CDIN1: variants seen among roughly 807,000 people sequenced by gnomAD.
CDIN1 encodes the protein CDAN1-interacting nuclease 1.
CDIN1 carries 33 observed loss-of-function variants against 45.3 expected under a neutral mutation model. The ratio of observed to expected loss-of-function variants is 0.73; its 90% CI spans 0.55 to 0.97. The LOEUF is 0.97. Ranked by LOEUF, CDIN1 falls within the 50% of genes least tolerant of loss-of-function variation. CDIN1 has a pLI of 0.00. For missense variants in CDIN1, 303 were observed against 339.4 expected, an observed-to-expected ratio of 0.89 and a Z score of 0.84; for synonymous variants, 118 against 124.4, an observed-to-expected ratio of 0.95 and a Z score of 0.34.
intron 10 of CDIN1, among the ~76,000 whole-genome samples, chr15:36,761,812 T>C (rs536829605): frequency 4.6e-5 from 7 of 152,328 alleles, no homozygotes; most frequent in East Asian, 1.9e-4. Context: ...CATACTGATA[T>C]GCAAGATTTT....
At chr15:36,615,572 G>A (rs995004653) in intron 1 of CDIN1, among the ~76,000 whole-genome samples, 2 of 152,052 alleles carry the variant, frequency 1.3e-5, no homozygotes, top group Non-Finnish European at 2.9e-5. Flanking sequence ...ATGAAGTGTG[G>A]TCCAAAAAAT....
intron 1 of CDIN1, among the ~76,000 whole-genome samples, chr15:36,592,838 G>T (rs992588893): frequency 2.0e-5 from 3 of 151,858 alleles, no homozygotes; most frequent in Non-Finnish European, 4.4e-5. Flanking sequence ...CTAAGTTTAG[G>T]GACATTACAG....
At chr15:36,716,868 G>A (rs1027851027) in intron 10 of CDIN1, among the ~76,000 whole-genome samples, 1 of 152,184 alleles carries the variant, frequency 6.6e-6, no homozygotes, top group African/African-American at 2.4e-5. Flanking sequence ...TAGGGACTCA[G>A]CCCCTGCCTT....
chr15:36,671,786 TCTTC>T (rs572172291), intron 5 of CDIN1, among the ~76,000 whole-genome samples: 37 of 152,278 alleles, frequency 2.4e-4, no homozygotes, highest in African/African-American at 7.7e-4. Context: ...CTTACAATTG[TCTTC>T]CTTTGAGAAG....
At chr15:36,686,238 T>G (rs372953562) in intron 5 of CDIN1, among the ~76,000 whole-genome samples, 2 of 151,354 alleles carry the variant, frequency 1.3e-5, no homozygotes, top group African/African-American at 4.8e-5. Flanking sequence ...CCATAAAAAA[T>G]GATGAGTTCG....
At chr15:36,640,763 C>A in intron 1 of CDIN1, 1 of 485,048 alleles carries the variant, frequency 2.1e-6, no homozygotes, top group Non-Finnish European at 2.7e-6. Context: ...TTAATCTGTG[C>A]TACACTCTCC....
At chr15:36,670,330 C>T (rs6495866) in intron 5 of CDIN1, among the ~76,000 whole-genome samples, 141,635 of 152,144 alleles carry the variant, frequency 0.93, 66,097 homozygotes, top group East Asian at 1. Context: ...TCCAGAGTAG[C>T]GCTCCTCTTC....
intron 1 of CDIN1, chr15:36,613,472 A>G (rs1261922212): frequency 6.5e-7 from 1 of 1,550,212 alleles, no homozygotes; most frequent in Non-Finnish European, 8.8e-7. Context: ...GGTGGGCACC[A>G]TGGCTGGGAT....
At chr15:36,696,335 T>C (rs1410883999) in intron 7 of CDIN1, 3 of 152,240 alleles carry the variant, frequency 2.0e-5, no homozygotes, top group African/African-American at 7.2e-5. Flanking sequence ...TCCTGCAGAT[T>C]ACATATATTC....
chr15:36,780,979 C>T (rs553067408), intron 10 of CDIN1, among the ~76,000 whole-genome samples: 37 of 152,092 alleles, frequency 2.4e-4, no homozygotes, highest in Admixed American at 5.9e-4. Flanking sequence ...TTTTGCATAC[C>T]GTTTCAAAAG....
At chr15:36,703,543 C>T (rs2042753239) in intron 8 of CDIN1, among the ~76,000 whole-genome samples, 1 of 151,294 alleles carries the variant, frequency 6.6e-6, no homozygotes, top group African/African-American at 2.4e-5. Context: ...GTAGCAATGC[C>T]GGACAGGATA....
chr15:36,638,521 T>C (rs1007470171), intron 1 of CDIN1, among the ~76,000 whole-genome samples: 8 of 152,222 alleles, frequency 5.3e-5, no homozygotes, highest in Admixed American at 4.6e-4. Context: ...AGAAGACATA[T>C]GCAATCAGAT....
chr15:36,702,639 A>G (rs1023043644), intron 8 of CDIN1, among the ~76,000 whole-genome samples: 7 of 152,148 alleles, frequency 4.6e-5, no homozygotes, highest in African/African-American at 1.7e-4. Flanking sequence ...TAGATTATAT[A>G]CACAAAAAAG....
rs1269766736 is a variant in CDIN1 at position 36,746,668 on chromosome 15, T to TA, written c.716+36707_716+36708insA. The stretch of plus-strand genomic sequence containing the variant: ...TGCATATCATATATAAATATATGGT[T>TA]CCACACACACACACACACACACACA... On this transcript the variant is annotated intron_variant, in intron 10 of 10. Transcript: ENST00000566621. Among the ~76,000 whole-genome samples the TA allele has an allele frequency of 3.4e-3, 168 of 48,984 alleles. No individual in the cohort carries two copies. In the East Asian group the frequency reaches 0.099, roughly 29 times the overall value. 32.1% of individuals were successfully genotyped at this position (48,984 alleles called of 152,430 possible).
At chr15:36,805,666 A>T (rs1291753557) in intron 10 of CDIN1, among the ~76,000 whole-genome samples, 1 of 152,222 alleles carries the variant, frequency 6.6e-6, no homozygotes, top group East Asian at 1.9e-4. Flanking sequence ...CAGATAACCC[A>T]GAAATTGATT....
At chr15:36,608,029 T>C (rs1377933133) in intron 1 of CDIN1, among the ~76,000 whole-genome samples, 2 of 152,246 alleles carry the variant, frequency 1.3e-5, no homozygotes, top group African/African-American at 2.4e-5. Context: ...TTCTTTCTTA[T>C]TGCTGAAAAA....
chr15:36,656,770 T>A (rs1188947061), intron 4 of CDIN1, among the ~76,000 whole-genome samples: 1 of 152,148 alleles, frequency 6.6e-6, no homozygotes, highest in African/African-American at 2.4e-5. Flanking sequence ...CTTGGGGAAT[T>A]TAAGGGCATC....
At chr15:36,592,262 T>A (rs2037613491) in intron 1 of CDIN1, among the ~76,000 whole-genome samples, 1 of 152,208 alleles carries the variant, frequency 6.6e-6, no homozygotes, top group Non-Finnish European at 1.5e-5. Flanking sequence ...ATGGTGAGCA[T>A]CTTTTCCAGA....
chr15:36,641,782 G>A (rs769834046), intron 1 of CDIN1: 1 of 151,930 alleles, frequency 6.6e-6, no homozygotes, highest in Non-Finnish European at 1.5e-5. Context: ...ATCAACTCCC[G>A]TCCACCTTGT....
Sources: gnomAD v4.1 joint callset for allele counts (sites outside exome capture counted in the v4.1 genomes callset) on GRCh38, gnomAD v4.1.1 for gene constraint, MANE v1.5 for transcripts, NCBI Gene and HGNC (gene_info 2026-07-23, HGNC 2026-07-21) for gene names.